FAM135B: variants seen among roughly 807,000 people sequenced by gnomAD.
FAM135B encodes the protein protein FAM135B.
FAM135B carries 43 observed loss-of-function variants against 127.7 expected under a neutral mutation model. That is an observed-to-expected ratio of 0.34 (90% CI 0.26 to 0.43). The LOEUF is 0.43. Ranked by LOEUF, FAM135B falls within the 20% of genes least tolerant of loss-of-function variation. The probability of loss-of-function intolerance (pLI) is 1.00; values close to 1 mark genes in which losing one functional copy is unlikely to be tolerated. For missense variants in FAM135B, 1,558 were observed against 1,725.6 expected, an observed-to-expected ratio of 0.90 and a Z score of 1.72; for synonymous variants, 670 against 665.1, an observed-to-expected ratio of 1.01 and a Z score of -0.11.
chr8:138,452,511 G>T (rs1005629218), intron 1 of FAM135B, among the ~76,000 whole-genome samples: 2 of 152,148 alleles, frequency 1.3e-5, no homozygotes, highest in Non-Finnish European at 1.5e-5. Context: ...TCCACACCAA[G>T]ACACAAAGAA....
At chr8:138,263,189 A>C (rs1822671833) in intron 4 of FAM135B, among the ~76,000 whole-genome samples, 1 of 152,160 alleles carries the variant, frequency 6.6e-6, no homozygotes, top group Admixed American at 6.5e-5. Flanking sequence ...TCTCCGGTGT[A>C]AATGTTTTCA....
chr8:138,447,816 A>AG (rs536176649), intron 1 of FAM135B, among the ~76,000 whole-genome samples: 1 of 151,732 alleles, frequency 6.6e-6, no homozygotes, highest in Non-Finnish European at 1.5e-5. Flanking sequence ...ATAATAAAAA[A>AG]AAAAAGAAAA....
At chr8:138,467,337 G>A (rs1477336838) in intron 1 of FAM135B, among the ~76,000 whole-genome samples, 4 of 152,028 alleles carry the variant, frequency 2.6e-5, no homozygotes, top group Admixed American at 2.6e-4. Flanking sequence ...GAAGGCCCTC[G>A]GCCTGTGTTG....
intron 7 of FAM135B, among the ~76,000 whole-genome samples, chr8:138,212,472 G>A: frequency 6.6e-6 from 1 of 152,210 alleles, no homozygotes; most frequent in Admixed American, 6.5e-5. Context: ...TTTTCCTGCA[G>A]TCTCACAAAC....
chr8:138,272,420 C>A (rs1823455755), intron 3 of FAM135B, among the ~76,000 whole-genome samples: 1 of 152,220 alleles, frequency 6.6e-6, no homozygotes, highest in Non-Finnish European at 1.5e-5. Context: ...GAAAACTCAA[C>A]TTACAAAGCA....
intron 2 of FAM135B, among the ~76,000 whole-genome samples, chr8:138,360,157 GT>G (rs1166631304): frequency 9.2e-5 from 14 of 152,244 alleles, no homozygotes; most frequent in South Asian, 2.1e-4. Context: ...AAGAAAATCA[GT>G]TTGATTTAGA....
intron 2 of FAM135B, among the ~76,000 whole-genome samples, chr8:138,341,840 C>T (rs904059874): frequency 6.6e-6 from 1 of 152,136 alleles, no homozygotes; most frequent in African/African-American, 2.4e-5. Context: ...GGAACACTGA[C>T]CTCCCCATGA....
At chr8:138,170,892 C>T (rs2130922362) in intron 11 of FAM135B, among the ~76,000 whole-genome samples, 2 of 152,230 alleles carry the variant, frequency 1.3e-5, no homozygotes, top group South Asian at 2.1e-4. Flanking sequence ...AGAGGAAAGG[C>T]ACATTCATCT....
Position 138,249,666 on chromosome 8 carries a change from T to A in FAM135B, c.542+1175A>T, listed in dbSNP as rs78396239. Among the ~76,000 whole-genome samples, 377 of 152,182 alleles carry A rather than the reference T, an allele frequency of 2.5e-3. 1 individual carries two copies. The highest frequency in any genetic ancestry group is 8.0e-3 in the African/African-American group (332 of 41,534). On this transcript the variant is annotated intron_variant, in intron 6 of 19. Coordinates refer to ENST00000395297, the MANE Select transcript of FAM135B (RefSeq NM_015912.4). Reference sequence around the variant, plus strand: ...TCAGATTGGGTAACTAATTTCCTACTCTCTGACCCCAGCAGAGAACAGGGG... The same window carrying A: ...TCAGATTGGGTAACTAATTTCCTACACTCTGACCCCAGCAGAGAACAGGGG...
chr8:138,158,284 T>G (rs1349690033), intron 12 of FAM135B, among the ~76,000 whole-genome samples: 1 of 152,166 alleles, frequency 6.6e-6, no homozygotes, highest in South Asian at 2.1e-4. Flanking sequence ...TCCTTACACC[T>G]TATACAAAAA....
At chr8:138,218,742 C>T (rs1409631116) in intron 7 of FAM135B, among the ~76,000 whole-genome samples, 1 of 150,554 alleles carries the variant, frequency 6.6e-6, no homozygotes, top group African/African-American at 2.5e-5. Flanking sequence ...CTGCTCCTCC[C>T]AAACTTACAC....
rs370531200 is a variant in FAM135B, at chr8:138,399,240, C to A, written c.-19-31238G>T. 3.5e-3 allele frequency among the ~76,000 whole-genome samples: 534 copies of A among 152,064 alleles called. 1 individual carries two copies. The highest frequency in any genetic ancestry group is 0.012 in the African/African-American group (498 of 41,440). Reference sequence around the variant, plus strand: ...TTCTCAGAAGTGTCTGGCTTTGAACCATATATTATATGATTATCCAACCCA... The same window carrying A: ...TTCTCAGAAGTGTCTGGCTTTGAACAATATATTATATGATTATCCAACCCA... On this transcript the variant is annotated intron_variant, in intron 1 of 19. Transcript: ENST00000395297.
At chr8:138,290,812 A>G (rs1825056462) in intron 3 of FAM135B, among the ~76,000 whole-genome samples, 1 of 152,188 alleles carries the variant, frequency 6.6e-6, no homozygotes, top group Non-Finnish European at 1.5e-5. Flanking sequence ...AGGTGTTCGC[A>G]TGAGATGAGG....
chr8:138,338,576 G>A (rs1299170055), intron 2 of FAM135B, among the ~76,000 whole-genome samples: 1 of 151,436 alleles, frequency 6.6e-6, no homozygotes, highest in East Asian at 1.9e-4. Flanking sequence ...TCTCACACCA[G>A]TTAGAATGGC....
intron 1 of FAM135B, among the ~76,000 whole-genome samples, chr8:138,455,926 T>C (rs1164634817): frequency 7.9e-5 from 12 of 152,228 alleles, no homozygotes; most frequent in Non-Finnish European, 1.8e-4. Context: ...ACACCCTCCA[T>C]ATGCCAGATC....
intron 12 of FAM135B, among the ~76,000 whole-genome samples, chr8:138,157,759 C>T (rs1021408180): frequency 6.6e-6 from 1 of 152,088 alleles, no homozygotes; most frequent in Admixed American, 6.5e-5. Flanking sequence ...AGGATCTCTT[C>T]AAGGAGAAAC....
intron 1 of FAM135B, among the ~76,000 whole-genome samples, chr8:138,434,008 T>A (rs1332106892): frequency 1.3e-5 from 2 of 152,244 alleles, no homozygotes; most frequent in Non-Finnish European, 2.9e-5. Context: ...TTTCTGCTTA[T>A]GCCACTATTA....
intron 2 of FAM135B, among the ~76,000 whole-genome samples, chr8:138,363,816 T>A (rs2131192528): frequency 6.6e-6 from 1 of 152,318 alleles, no homozygotes; most frequent in African/African-American, 2.4e-5. Context: ...TCTGGCCAGC[T>A]ATGTAACAAT....
At chr8:138,403,426 G>A (rs1833269678) in intron 1 of FAM135B, among the ~76,000 whole-genome samples, 1 of 151,978 alleles carries the variant, frequency 6.6e-6, no homozygotes, top group Non-Finnish European at 1.5e-5. Flanking sequence ...CATTCAAACA[G>A]GTCACCAAAT....
Sources: allele counts gnomAD v4.1 joint callset (sites outside exome capture counted in the v4.1 genomes callset), GRCh38; gene constraint gnomAD v4.1.1; transcripts MANE v1.5; gene names NCBI Gene and HGNC (gene_info 2026-07-23, HGNC 2026-07-21).